The following MRPS27 variants were observed in gnomAD, a reference collection of about 807,000 sequenced individuals.
MRPS27 encodes the protein mitochondrial ribosomal protein S27.
Under a neutral mutation model 48.9 loss-of-function variants are expected in MRPS27, and 43 were observed. The ratio of observed to expected loss-of-function variants is 0.88; its 90% CI spans 0.69 to 1.13. The LOEUF is 1.13. MRPS27 is among the 50% of genes most tolerant of loss of function. The probability of loss-of-function intolerance (pLI) is 0.00; values close to 1 mark genes in which losing one functional copy is unlikely to be tolerated. For synonymous variants in MRPS27, 188 were observed against 171.9 expected (o/e 1.09, Z -0.73); for missense variants, 467 against 476.3 (o/e 0.98, Z 0.18).
At chr5:72,294,351 T>C (rs538727419) in intron 4 of MRPS27, among the ~76,000 whole-genome samples, 1 of 152,132 alleles carries the variant, frequency 6.6e-6, no homozygotes, top group East Asian at 1.9e-4. Context: ...AAAATGCATC[T>C]AGACAGAAAC....
At chr5:72,255,908 A>G (rs538440247) in intron 4 of MRPS27, among the ~76,000 whole-genome samples, 2 of 152,348 alleles carry the variant, frequency 1.3e-5, no homozygotes, top group South Asian at 4.1e-4. Flanking sequence ...TCACGACCCA[A>G]GCAAGGAATC....
At chr5:72,232,044 G>A (rs908602089) in intron 7 of MRPS27, among the ~76,000 whole-genome samples, 18 of 152,076 alleles carry the variant, frequency 1.2e-4, no homozygotes, top group African/African-American at 4.3e-4. Context: ...TTTCCAAAAC[G>A]GAACTGCCCT....
chr5:72,275,418 T>C (rs1434506506), intron 4 of MRPS27, among the ~76,000 whole-genome samples: 2 of 152,194 alleles, frequency 1.3e-5, no homozygotes, highest in Non-Finnish European at 2.9e-5. Context: ...TGCTCATGGA[T>C]AGGAGGAATC....
At chr5:72,295,474 T>C (rs1749952219) in intron 4 of MRPS27, 57 bp downstream of exon 4, 3 of 1,311,692 alleles carry the variant, frequency 2.3e-6, no homozygotes, top group Admixed American at 1.9e-5. Flanking sequence ...CCAACTTTTA[T>C]GTAAAAAAGG....
At chr5:72,224,141 T>A (rs987836220) in intron 9 of MRPS27, among the ~76,000 whole-genome samples, 1 of 151,568 alleles carries the variant, frequency 6.6e-6, no homozygotes, top group African/African-American at 2.4e-5. Flanking sequence ...TGTGGAAGAA[T>A]TGCTTGAGCC....
intron 2 of MRPS27, among the ~76,000 whole-genome samples, chr5:72,299,943 T>C: frequency 6.6e-6 from 1 of 152,204 alleles, no homozygotes; most frequent in South Asian, 2.1e-4. Context: ...ATATTCTGTG[T>C]CCTCCATTCT....
chr5:72,269,397 C>T (rs1749179313), intron 4 of MRPS27, among the ~76,000 whole-genome samples: 1 of 152,108 alleles, frequency 6.6e-6, no homozygotes, highest in South Asian at 2.1e-4. Context: ...AGGTATCTGA[C>T]TAATATTTCT....
chr5:72,257,564 C>A (rs769804373), intron 4 of MRPS27, among the ~76,000 whole-genome samples: 1 of 152,044 alleles, frequency 6.6e-6, no homozygotes. Flanking sequence ...TTTCGGAAGA[C>A]CAAAATTTCA....
At chr5:72,237,083 T>C (rs957251635) in intron 5 of MRPS27, among the ~76,000 whole-genome samples, 5 of 151,936 alleles carry the variant, frequency 3.3e-5, no homozygotes, top group African/African-American at 1.2e-4. Context: ...CCTGGGCTCA[T>C]GTGATTCTCC....
At chr5:72,297,498 T>C in intron 3 of MRPS27, 134 bp downstream of exon 3, 1 of 569,708 alleles carries the variant, frequency 1.8e-6, no homozygotes, top group South Asian at 2.3e-5. Context: ...TATTAGTAAC[T>C]ATAAAAACTT....
chr5:72,225,939 C>T (rs1014892506), intron 9 of MRPS27, 118 bp downstream of exon 9: 7 of 1,163,176 alleles, frequency 6.0e-6, no homozygotes, highest in Non-Finnish European at 8.1e-6. Flanking sequence ...TTGATAAATA[C>T]CTATTCTATA....
chr5:72,314,587 A>G (rs1750521741), intron 1 of MRPS27: 1 of 167,558 alleles, frequency 6.0e-6, no homozygotes, highest in South Asian at 1.5e-4. Context: ...TAGTGTGGAC[A>G]CTTGATCGGT....
chr5:72,278,318 C>T (rs1219853581), intron 4 of MRPS27, among the ~76,000 whole-genome samples: 1 of 151,970 alleles, frequency 6.6e-6, no homozygotes. Flanking sequence ...TGGCGAGCGC[C>T]TCTAGTCCCA....
intron 4 of MRPS27, among the ~76,000 whole-genome samples, chr5:72,286,562 A>G (rs1278279795): frequency 6.8e-6 from 1 of 147,544 alleles, no homozygotes; most frequent in African/African-American, 2.4e-5. Context: ...TCTTTACCTT[A>G]TAACATACAC....
chr5:72,230,962 G>A (rs181554329), intron 7 of MRPS27, among the ~76,000 whole-genome samples: 29 of 152,000 alleles, frequency 1.9e-4, no homozygotes, highest in African/African-American at 5.5e-4. Context: ...ATTATCCCTT[G>A]CTGAGATTCA....
intron 4 of MRPS27, among the ~76,000 whole-genome samples, chr5:72,268,661 A>C (rs564091184): frequency 6.6e-6 from 1 of 152,196 alleles, no homozygotes; most frequent in Non-Finnish European, 1.5e-5. Flanking sequence ...TAACTGTTTG[A>C]TTTTGGAAGT....
intron 1 of MRPS27, among the ~76,000 whole-genome samples, chr5:72,317,013 G>A (rs1455204830): frequency 6.8e-6 from 1 of 146,616 alleles, no homozygotes; most frequent in Non-Finnish European, 1.5e-5. Context: ...TGGGCAATAA[G>A]AGCGAAACTC....
chr5:72,225,845 GA>G (rs1308155672), intron 9 of MRPS27, among the ~76,000 whole-genome samples: 1 of 150,142 alleles, frequency 6.7e-6, no homozygotes, highest in East Asian at 2.0e-4. Context: ...CCTAGACAAT[GA>G]ACTATAAATC....
At chr5:72,267,320 T>A (rs919620343) in intron 4 of MRPS27, among the ~76,000 whole-genome samples, 1 of 152,172 alleles carries the variant, frequency 6.6e-6, no homozygotes, top group Non-Finnish European at 1.5e-5. Context: ...TAAGTTCATA[T>A]AACATATGAA....
Sources: allele counts gnomAD v4.1 joint callset (sites outside exome capture counted in the v4.1 genomes callset), GRCh38; gene constraint gnomAD v4.1.1; transcripts MANE v1.5; gene names NCBI Gene and HGNC (gene_info 2026-07-23, HGNC 2026-07-21).